Variants in OSTF1 observed in about 807,000 individuals in gnomAD.
OSTF1 encodes the protein osteoclast stimulating factor 1.
OSTF1 carries 27 observed loss-of-function variants against 37.2 expected under a neutral mutation model. That is an observed-to-expected ratio of 0.73 (90% CI 0.54 to 1.00). OSTF1 has a LOEUF of 1.00. OSTF1 is among the 50% of genes least tolerant of loss of function. The pLI is 0.00. For synonymous variants in OSTF1, 82 were observed against 89.2 expected (o/e 0.92, Z 0.46); for missense variants, 232 against 253.8 (o/e 0.91, Z 0.58).
At chr9:75,109,419 A>C (rs1271719569) in intron 1 of OSTF1, among the ~76,000 whole-genome samples, 1 of 152,256 alleles carries the variant, frequency 6.6e-6, no homozygotes, top group Non-Finnish European at 1.5e-5. Flanking sequence ...AGGCCAAAAA[A>C]TGTGTATTTG....
chr9:75,096,125 TC>T, intron 1 of OSTF1, among the ~76,000 whole-genome samples: 1 of 152,202 alleles, frequency 6.6e-6, no homozygotes, highest in South Asian at 2.1e-4. Context: ...TCTCCTGACC[TC>T]CGTGATCCAC....
At chr9:75,091,235 G>A (rs558575750) in intron 1 of OSTF1, among the ~76,000 whole-genome samples, 2 of 151,840 alleles carry the variant, frequency 1.3e-5, no homozygotes, top group South Asian at 2.1e-4. Flanking sequence ...CAGGCAGCCC[G>A]CCACCATGCC....
At chr9:75,093,060 C>CTTTTTTTTTTTTTTT (rs1433476660) in intron 1 of OSTF1, among the ~76,000 whole-genome samples, 3 of 134,950 alleles carry the variant, frequency 2.2e-5, no homozygotes, top group African/African-American at 9.3e-5. Context: ...CTCTTTCTTT[C>CTTTTTTTTTTTTTTT]TTTCTTTTTT....
At chr9:75,144,156 G>A (rs1403989983) in intron 9 of OSTF1, among the ~76,000 whole-genome samples, 1 of 152,154 alleles carries the variant, frequency 6.6e-6, no homozygotes, top group Non-Finnish European at 1.5e-5. Context: ...TGTGTTGGGG[G>A]AGAACAAAAT....
chr9:75,130,779 T>A (rs1054842333), intron 4 of OSTF1, 138 bp downstream of exon 4: 6 of 632,724 alleles, frequency 9.5e-6, no homozygotes, highest in Non-Finnish European at 1.8e-5. Context: ...TCCATGAGCC[T>A]TCTGTTAATA....
intron 1 of OSTF1, among the ~76,000 whole-genome samples, chr9:75,102,865 GTTAAT>G (rs1564155240): frequency 6.6e-6 from 1 of 152,178 alleles, no homozygotes; most frequent in Non-Finnish European, 1.5e-5. Flanking sequence ...TCCTCACTGT[GTTAAT>G]TTAAGTGTCC....
chr9:75,100,770 G>C lies in OSTF1; in HGVS notation c.34+12044G>C, dbSNP rs1211607660. ...AAGTTTCTGAGCAGCTGCAACCTCAGGGGTAGGTCTGACCCGGGGCCTTGG... is the reference window on the plus strand; with the variant it reads ...AAGTTTCTGAGCAGCTGCAACCTCACGGGTAGGTCTGACCCGGGGCCTTGG... On this transcript the variant is annotated intron_variant, in intron 1 of 9. Coordinates refer to ENST00000346234, the MANE Select transcript of OSTF1 (RefSeq NM_012383.5). Among the ~76,000 whole-genome samples, 4 of 151,750 alleles carry C rather than the reference G, an allele frequency of 2.6e-5. No homozygotes were observed. The East Asian group carries it at 7.8e-4, about 29-fold the overall frequency.
At chr9:75,118,180 T>A (rs1298459557) in intron 2 of OSTF1, among the ~76,000 whole-genome samples, 1 of 152,092 alleles carries the variant, frequency 6.6e-6, no homozygotes, top group Non-Finnish European at 1.5e-5. Context: ...TAAGGAGGGT[T>A]AGGAGCAAAG....
At chr9:75,134,265 C>G in intron 6 of OSTF1, 81 bp from the exon 7 acceptor site, 1 of 588,636 alleles carries the variant, frequency 1.7e-6, no homozygotes, top group Admixed American at 3.2e-5. Context: ...AAGAATCTCT[C>G]TTTTATAAAA....
chr9:75,114,859 C>A (rs769964752), intron 1 of OSTF1, among the ~76,000 whole-genome samples: 10 of 152,128 alleles, frequency 6.6e-5, no homozygotes, highest in Non-Finnish European at 1.5e-4. Context: ...TGGCCTCAGA[C>A]TTTTTAAAAT....
chr9:75,130,624 T>C lies in OSTF1; in HGVS notation c.179T>C (p.Leu60Pro). 1 of 1,610,676 alleles carries C rather than the reference T, an allele frequency of 6.2e-7. No homozygotes were observed. Among genetic ancestry groups the C allele is most frequent in the Non-Finnish European group, 8.5e-7 (1 of 1,176,874 alleles). The stretch of plus-strand genomic sequence containing the variant: ...GGCACCTCCAAAGGCAGGACTGGAC[T>C]AATTCCAAGCAACTATGGTAAGTGT... ...WKGTSKGRTG[L>P]IPSNYVAEQA... The change falls in exon 4 of 10, where the codon CTA (leucine) becomes CCA (proline). Residue 60 changes from leucine to proline, a missense_variant. Leu to Pro is a moderately conservative substitution (Grantham distance 98, BLOSUM62 -3). Transcript: ENST00000346234.
chr9:75,129,317 T>C (rs1825726198), intron 3 of OSTF1, among the ~76,000 whole-genome samples: 1 of 152,228 alleles, frequency 6.6e-6, no homozygotes, highest in Non-Finnish European at 1.5e-5. Flanking sequence ...CCATTTATTC[T>C]GTGTTTTCTT....
At position 75,136,424 on chromosome 9, in the gene OSTF1, G is replaced by A. The variant is rs1438327699; in HGVS notation, c.409-1114G>A. ...TTTTTTTAATTTGAGATGGAGTCTC[G>A]CTCTGTTGTCCAGGCTGGGGCGTAG... On this transcript the variant is annotated intron_variant, in intron 7 of 9. Coordinates refer to ENST00000346234, the MANE Select transcript of OSTF1 (RefSeq NM_012383.5). Among the ~76,000 whole-genome samples, 6 of 152,012 alleles carry A rather than the reference G, an allele frequency of 3.9e-5. No homozygotes were observed. The East Asian group carries it at 1.2e-3, about 29-fold the overall frequency.
chr9:75,133,214 C>A, intron 5 of OSTF1, 80 bp from the exon 6 acceptor site: 1 of 819,348 alleles, frequency 1.2e-6, no homozygotes, highest in Non-Finnish European at 2.0e-6. Flanking sequence ...GAAATTTATG[C>A]AGAATGACAT....
At chr9:75,142,639 G>A (rs1316358001) in intron 9 of OSTF1, among the ~76,000 whole-genome samples, 1 of 152,100 alleles carries the variant, frequency 6.6e-6, no homozygotes, top group African/African-American at 2.4e-5. Flanking sequence ...GGGCTGGGAG[G>A]CAGGTACTCT....
intron 1 of OSTF1, among the ~76,000 whole-genome samples, chr9:75,113,231 T>C (rs1825422680): frequency 6.6e-6 from 1 of 152,086 alleles, no homozygotes; most frequent in Admixed American, 6.6e-5. Flanking sequence ...TTTTCGTTGA[T>C]TATAAAGGTA....
At position 75,133,394 on chromosome 9, in the gene OSTF1, C is replaced by T. The variant is rs749513945; in HGVS notation, c.351C>T (p.Gly117=). Residue 117 remains glycine, a synonymous_variant, in exon 6 of 10, where the codon GGC becomes GGT. Coordinates refer to ENST00000346234, the MANE Select transcript of OSTF1 (RefSeq NM_012383.5). The part of the protein sequence containing the change: ...STALYWACHG[G]HKDIVEMLFT... Reference sequence around the variant, plus strand: ...CCTTATACTGGGCTTGCCACGGGGGCCACAAAGGTATTACATTTTGTTTGT... The same window carrying T: ...CCTTATACTGGGCTTGCCACGGGGGTCACAAAGGTATTACATTTTGTTTGT... The T allele has an allele frequency of 6.3e-7, 1 of 1,585,326 alleles. No homozygotes were observed. The highest frequency in any genetic ancestry group is 8.7e-7 in the Non-Finnish European group (1 of 1,155,078).
intron 4 of OSTF1, among the ~76,000 whole-genome samples, chr9:75,131,252 G>A (rs1310589086): frequency 1.3e-5 from 2 of 152,194 alleles, no homozygotes; most frequent in South Asian, 4.1e-4. Flanking sequence ...GGACAGCAGC[G>A]AACATGCCTT....
At chr9:75,090,292 CAGGTGTGTGT>C (rs1564150683) in intron 1 of OSTF1, among the ~76,000 whole-genome samples, 2 of 122,258 alleles carry the variant, frequency 1.6e-5, no homozygotes. Context: ...GGGACATTGA[CAGGTGTGTGT>C]GTGTGTGTGT....
Sources: allele counts gnomAD v4.1 joint callset (sites outside exome capture counted in the v4.1 genomes callset), GRCh38; gene constraint gnomAD v4.1.1; transcripts MANE v1.5; gene names NCBI Gene and HGNC (gene_info 2026-07-23, HGNC 2026-07-21).